Variants in SGCD observed in about 807,000 individuals in gnomAD.
SGCD encodes sarcoglycan delta.
SGCD carries 18 observed loss-of-function variants against 36.6 expected under a neutral mutation model. That is an observed-to-expected ratio of 0.49 (90% confidence interval 0.34 to 0.73). SGCD has a LOEUF of 0.73. Ranked by LOEUF, SGCD falls within the 30% of genes least tolerant of loss-of-function variation. SGCD has a pLI of 0.01. For synonymous variants in SGCD, 133 were observed against 130.6 expected (o/e 1.02, Z -0.12); for missense variants, 387 against 346.7 (o/e 1.12, Z -0.92).
At chr5:156,619,732 G>A (rs901116733) in intron 6 of SGCD, among the ~76,000 whole-genome samples, 1 of 152,164 alleles carries the variant, frequency 6.6e-6, no homozygotes, top group African/African-American at 2.4e-5. Flanking sequence ...GAAAATCTCA[G>A]TGCACAGAAT....
chr5:156,239,136 A>G (rs1423983759), intron 3 of SGCD, among the ~76,000 whole-genome samples: 1 of 152,138 alleles, frequency 6.6e-6, no homozygotes, highest in Admixed American at 6.5e-5. Context: ...ATGGTGGCTC[A>G]TGCCTGTAAT....
intron 3 of SGCD, among the ~76,000 whole-genome samples, chr5:156,165,369 A>C (rs1381465966): frequency 6.6e-6 from 1 of 152,222 alleles, no homozygotes; most frequent in Non-Finnish European, 1.5e-5. Context: ...AAAAAGTAAA[A>C]AGGTCTAAGA....
the SGCD span, among the ~76,000 whole-genome samples, chr5:155,731,783 C>G: frequency 7.0e-4 from 106 of 152,244 alleles, no homozygotes; most frequent in African/African-American, 2.5e-3. Flanking sequence ...GGACCCACTC[C>G]CCTGGGAGCC....
chr5:156,250,383 A>G (rs1765544283), intron 3 of SGCD, among the ~76,000 whole-genome samples: 2 of 152,186 alleles, frequency 1.3e-5, no homozygotes, highest in South Asian at 2.1e-4. Flanking sequence ...TGAGGCTTCA[A>G]TTTAATTATG....
Position 156,296,067 on chromosome 5 carries a change from C to T in SGCD, c.-43-33467C>T, listed in dbSNP as rs376601772. On this transcript the variant is annotated intron_variant, in intron 3 of 9. Coordinates refer to the SGCD transcript ENST00000517913. ...ATCTGTTGGGGTCTAAGGCATTGCT[C>T]AAACTGATTTCTCATGGGGCATACT... Among the ~76,000 whole-genome samples, 21 of 152,268 alleles carry T rather than the reference C, an allele frequency of 1.4e-4. No homozygotes were observed. The South Asian group carries it at 3.3e-3, about 24-fold the overall frequency.
rs1411464441 is a variant in SGCD at position 156,197,514 on chromosome 5, C to T, written c.-44+73495C>T. Among the ~76,000 whole-genome samples, 5 of 133,934 alleles carry T rather than the reference C, an allele frequency of 3.7e-5. No individual in the cohort carries two copies. In the South Asian group the frequency reaches 1.0e-3, roughly 27 times the overall value. 87.9% of individuals were successfully genotyped at this position (133,934 alleles called of 152,430 possible). A position where few individuals can be genotyped will look rare whatever the true frequency, so the allele number is the denominator to read the frequency against. ...GCTAAACAGCTTGGCCTTTATAGCT[C>T]ACAGTATTAGGGTTGAAAGAGAGCC... On this transcript the variant is annotated intron_variant, in intron 3 of 9. Transcript: ENST00000517913.
Position 156,161,805 on chromosome 5 carries a change from C to T in SGCD, c.-44+37786C>T, listed in dbSNP as rs151319280. Among the ~76,000 whole-genome samples, 22 of 151,736 alleles carry T rather than the reference C, an allele frequency of 1.4e-4. No homozygotes were observed. In the East Asian group the frequency reaches 3.5e-3, roughly 24 times the overall value. On this transcript the variant is annotated intron_variant, in intron 3 of 9. Transcript: ENST00000517913. Reference sequence around the variant, plus strand: ...ATAATTATATGTTTAAATTAAGAAGCGTGAACTTCTTAATGTTTCTGAATA... The same window carrying T: ...ATAATTATATGTTTAAATTAAGAAGTGTGAACTTCTTAATGTTTCTGAATA...
intron 3 of SGCD, among the ~76,000 whole-genome samples, chr5:156,168,105 A>G (rs915110297): frequency 2.6e-5 from 4 of 152,268 alleles, no homozygotes; most frequent in Admixed American, 1.3e-4. Context: ...CAACCATTTA[A>G]CAGAGTGCCT....
At chr5:156,254,677 C>T (rs1765669666) in intron 3 of SGCD, among the ~76,000 whole-genome samples, 1 of 151,974 alleles carries the variant, frequency 6.6e-6, no homozygotes, top group Admixed American at 6.6e-5. Flanking sequence ...AGCGAGACTC[C>T]ATCTCTACAA....
intron 1 of SGCD, among the ~76,000 whole-genome samples, chr5:155,893,972 G>T (rs918302302): frequency 2.0e-5 from 3 of 152,210 alleles, no homozygotes; most frequent in Admixed American, 2.0e-4. Flanking sequence ...AATAGAAAAG[G>T]TACAATAAAA....
chr5:156,193,868 A>G (rs1308350263), intron 3 of SGCD, among the ~76,000 whole-genome samples: 1 of 152,168 alleles, frequency 6.6e-6, no homozygotes, highest in Non-Finnish European at 1.5e-5. Context: ...GTTGATTCTG[A>G]TGGCTGCATG....
At chr5:156,409,970 A>G (rs1772652192) in intron 3 of SGCD, among the ~76,000 whole-genome samples, 1 of 152,140 alleles carries the variant, frequency 6.6e-6, no homozygotes, top group Non-Finnish European at 1.5e-5. Flanking sequence ...ATAGTTGGGA[A>G]GATGTATGAA....
At chr5:156,425,135 T>G (rs1773617077) in intron 3 of SGCD, among the ~76,000 whole-genome samples, 1 of 152,060 alleles carries the variant, frequency 6.6e-6, no homozygotes, top group Non-Finnish European at 1.5e-5. Flanking sequence ...AGGACAGCAG[T>G]CAGGCCCAAT....
At chr5:155,953,169 C>T (rs947464713) in intron 1 of SGCD, among the ~76,000 whole-genome samples, 2 of 152,092 alleles carry the variant, frequency 1.3e-5, no homozygotes, top group African/African-American at 4.8e-5. Context: ...CCGTCTGTTC[C>T]TTTTGCCTGG....
chr5:156,576,288 T>C (rs553592975), intron 4 of SGCD, among the ~76,000 whole-genome samples: 11 of 152,322 alleles, frequency 7.2e-5, no homozygotes, highest in African/African-American at 2.6e-4. Context: ...TATTCCATGG[T>C]GTATATGTGC....
At chr5:156,608,011 G>T (rs1160775466) in intron 6 of SGCD, among the ~76,000 whole-genome samples, 35 of 151,934 alleles carry the variant, frequency 2.3e-4, no homozygotes, top group Admixed American at 2.3e-3. Flanking sequence ...GATTCATTGA[G>T]CTTTTGAAGG....
intron 3 of SGCD, among the ~76,000 whole-genome samples, chr5:156,419,546 C>T (rs1157298802): frequency 1.3e-5 from 2 of 152,130 alleles, no homozygotes; most frequent in African/African-American, 4.8e-5. Flanking sequence ...TGACACCTAG[C>T]TGCTCTTCAT....
chr5:156,629,274 G>A (rs1444721274), intron 6 of SGCD, among the ~76,000 whole-genome samples: 7 of 152,170 alleles, frequency 4.6e-5, no homozygotes, highest in East Asian at 1.9e-4. Context: ...ATGTCAACAC[G>A]CACAGACTTG....
At chr5:156,447,850 C>T (rs1048524150) in intron 3 of SGCD, among the ~76,000 whole-genome samples, 1 of 152,090 alleles carries the variant, frequency 6.6e-6, no homozygotes, top group Non-Finnish European at 1.5e-5. Context: ...TGAGTACTTA[C>T]CATAAATCAG....
Sources: gnomAD v4.1 joint callset for allele counts (sites outside exome capture counted in the v4.1 genomes callset) on GRCh38, gnomAD v4.1.1 for gene constraint, MANE v1.5 for transcripts, NCBI Gene and HGNC (gene_info 2026-07-23, HGNC 2026-07-21) for gene names.